Variants in SLIT3 observed in about 807,000 individuals in gnomAD.
SLIT3 encodes slit homolog 3 protein.
In SLIT3, 68 loss-of-function variants were observed where a neutral mutation model predicts 184.0. The ratio of observed to expected loss-of-function variants is 0.37; its 90% CI spans 0.30 to 0.45. The LOEUF is 0.45. Ranked by LOEUF, SLIT3 falls within the 20% of genes least tolerant of loss-of-function variation. The pLI, the probability that SLIT3 is intolerant of heterozygous loss-of-function variation, is 1.00. For missense variants in SLIT3, 1,707 were observed against 2,026.0 expected, an observed-to-expected ratio of 0.84 and a Z score of 3.02; for synonymous variants, 831 against 828.6, an observed-to-expected ratio of 1.00 and a Z score of -0.05.
chr5:169,019,837 GTCC>G (rs1259878275), intron 4 of SLIT3, among the ~76,000 whole-genome samples: 1 of 152,154 alleles, frequency 6.6e-6, no homozygotes, highest in Non-Finnish European at 1.5e-5. Flanking sequence ...GTCTTTTTAT[GTCC>G]TCTTAATCCA....
chr5:169,128,682 G>A (rs1239117560), intron 4 of SLIT3, among the ~76,000 whole-genome samples: 2 of 152,076 alleles, frequency 1.3e-5, no homozygotes, highest in Non-Finnish European at 2.9e-5. Flanking sequence ...CACCTGTCTC[G>A]GCCTCCCAAA....
intron 4 of SLIT3, among the ~76,000 whole-genome samples, chr5:168,889,990 A>G (rs1279246412): frequency 6.6e-6 from 1 of 152,014 alleles, no homozygotes; most frequent in Non-Finnish European, 1.5e-5. Context: ...TAAAAATACA[A>G]AAATTAGCCA....
At chr5:169,024,223 C>T (rs1415577351) in intron 4 of SLIT3, 1 of 152,230 alleles carries the variant, frequency 6.6e-6, no homozygotes, top group South Asian at 2.1e-4. Context: ...GGCCAGTCCA[C>T]CCCGGGAGGA....
intron 4 of SLIT3, among the ~76,000 whole-genome samples, chr5:168,883,832 G>C (rs1309291126): frequency 1.3e-5 from 2 of 152,144 alleles, no homozygotes; most frequent in African/African-American, 2.4e-5. Flanking sequence ...TTTCTGATGG[G>C]GGATGACCAC....
intron 5 of SLIT3, among the ~76,000 whole-genome samples, chr5:168,869,399 G>T (rs1207735192): frequency 6.6e-6 from 1 of 152,166 alleles, no homozygotes; most frequent in Non-Finnish European, 1.5e-5. Context: ...ACTGGTGATG[G>T]TAATCACTAG....
At chr5:169,016,326 T>A (rs12654566) in intron 4 of SLIT3, among the ~76,000 whole-genome samples, 29,987 of 151,998 alleles carry the variant, frequency 0.2, 3,387 homozygotes, top group East Asian at 0.54. Flanking sequence ...GCACATGTGC[T>A]CACAGAAATG....
chr5:168,841,020 A>T (rs1166647576), intron 6 of SLIT3, among the ~76,000 whole-genome samples: 2 of 152,224 alleles, frequency 1.3e-5, no homozygotes, highest in African/African-American at 2.4e-5. Flanking sequence ...CAAGCCTGTG[A>T]AAGGCTCCGA....
intron 4 of SLIT3, among the ~76,000 whole-genome samples, chr5:169,054,544 T>C (rs1757923976): frequency 6.6e-6 from 1 of 152,094 alleles, no homozygotes; most frequent in African/African-American, 2.4e-5. Context: ...CTCCGATACA[T>C]CCTCTCCCTC....
At chr5:169,215,684 T>A (rs1764412186) in intron 3 of SLIT3, among the ~76,000 whole-genome samples, 2 of 152,146 alleles carry the variant, frequency 1.3e-5, no homozygotes, top group Non-Finnish European at 2.9e-5. Context: ...CCTGGCCCGA[T>A]CAGAATGCTT....
At position 169,183,650 on chromosome 5, in the gene SLIT3, C is replaced by T. The variant is rs575840586; in HGVS notation, c.413+9829G>A. On this transcript the variant is annotated intron_variant, in intron 4 of 35. Transcript: ENST00000519560. ...GGCCCACCAAGTAAACCAGCAAAAG[C>T]CCTTACCTTCAAACCAAAGAAAATA... Among the ~76,000 whole-genome samples the T allele has an allele frequency of 8.1e-4, 123 of 152,272 alleles. 1 individual carries two copies. Among genetic ancestry groups the T allele is most frequent in the African/African-American group, 2.8e-3 (115 of 41,544 alleles).
At chr5:169,248,985 G>A (rs939364142) in intron 2 of SLIT3, among the ~76,000 whole-genome samples, 2 of 152,116 alleles carry the variant, frequency 1.3e-5, no homozygotes, top group Admixed American at 6.5e-5. Context: ...CTGTTGGGTG[G>A]CCAATTTTTC....
chr5:169,092,436 A>G (rs1741548044), intron 4 of SLIT3, among the ~76,000 whole-genome samples: 1 of 152,006 alleles, frequency 6.6e-6, no homozygotes, highest in Non-Finnish European at 1.5e-5. Context: ...ATTGTATTCC[A>G]TCCCATTCCA....
At chr5:169,066,850 T>C (rs1237704467) in intron 4 of SLIT3, among the ~76,000 whole-genome samples, 1 of 150,876 alleles carries the variant, frequency 6.6e-6, no homozygotes, top group Non-Finnish European at 1.5e-5. Context: ...CCTACTTGGC[T>C]GAACTTAAGA....
chr5:169,202,222 A>G (rs1425356272), intron 3 of SLIT3, among the ~76,000 whole-genome samples: 1 of 151,768 alleles, frequency 6.6e-6, no homozygotes, highest in Non-Finnish European at 1.5e-5. Flanking sequence ...ACAGAACAAG[A>G]GCCTATTTCA....
intron 4 of SLIT3, among the ~76,000 whole-genome samples, chr5:169,016,302 G>C (rs1429204609): frequency 6.6e-6 from 1 of 152,074 alleles, no homozygotes; most frequent in Non-Finnish European, 1.5e-5. Context: ...CAAGACACTT[G>C]GTCTAATACA....
chr5:169,182,795 T>C lies in SLIT3; in HGVS notation c.413+10684A>G, dbSNP rs552342332. 1.4e-4 allele frequency among the ~76,000 whole-genome samples: 22 copies of C among 152,338 alleles called. No individual in the cohort carries two copies. The South Asian group carries it at 4.6e-3, about 32-fold the overall frequency. On this transcript the variant is annotated intron_variant, in intron 4 of 35. Transcript: ENST00000519560. ...CCCTAATATTTAATTCCATGGATAG[T>C]TTCTAACTCCAGATAAAGAGAATGA... is the stretch of plus-strand genomic sequence containing the variant.
At chr5:168,970,244 C>T (rs895841088) in intron 4 of SLIT3, among the ~76,000 whole-genome samples, 4 of 152,072 alleles carry the variant, frequency 2.6e-5, no homozygotes, top group Non-Finnish European at 5.9e-5. Flanking sequence ...ACCTGTAATC[C>T]TAGCACTTTG....
intron 4 of SLIT3, among the ~76,000 whole-genome samples, chr5:168,884,427 T>TCTCA (rs1451821641): frequency 3.4e-4 from 49 of 144,334 alleles, no homozygotes; most frequent in African/African-American, 1.2e-3. Flanking sequence ...TCTCTCTCTC[T>TCTCA]CACACACACA....
chr5:168,722,818 A>G, intron 22 of SLIT3, 115 bp downstream of exon 22: 1 of 796,998 alleles, frequency 1.3e-6, no homozygotes, highest in Non-Finnish European at 2.2e-6. Context: ...TAGGGCAGCC[A>G]TAGGCCTGAG....
Sources: allele counts gnomAD v4.1 joint callset (sites outside exome capture counted in the v4.1 genomes callset), GRCh38; gene constraint gnomAD v4.1.1; transcripts MANE v1.5; gene names NCBI Gene and HGNC (gene_info 2026-07-23, HGNC 2026-07-21).